Variants in PPARG observed in about 807,000 individuals in gnomAD.
PPARG encodes peroxisome proliferator-activated receptor gamma.
PPARG carries 17 observed loss-of-function variants against 39.2 expected under a neutral mutation model. The observed-to-expected ratio is 0.43, with a 90% CI of 0.30 to 0.65. PPARG has a LOEUF of 0.65. Among genes scored for constraint, PPARG ranks in the 30% least tolerant of loss-of-function variants. The pLI, the probability that PPARG is intolerant of heterozygous loss-of-function variation, is 0.13. For synonymous variants in PPARG, 223 were observed against 215.7 expected (o/e 1.03, Z -0.30); for missense variants, 406 against 585.9 (o/e 0.69, Z 3.17).
intron 2 of PPARG, among the ~76,000 whole-genome samples, chr3:12,366,192 G>A (rs2049009872): frequency 1.3e-5 from 2 of 152,208 alleles, no homozygotes; most frequent in South Asian, 2.1e-4. Flanking sequence ...TGAGGAAAAT[G>A]TAATGTCTGT....
intron 2 of PPARG, among the ~76,000 whole-genome samples, chr3:12,320,512 A>G (rs1345823202): frequency 6.6e-6 from 1 of 152,144 alleles, no homozygotes; most frequent in African/African-American, 2.4e-5. Flanking sequence ...TCTGTTTCAG[A>G]CCCCACAATA....
At chr3:12,382,004 C>G (rs2049686237) in intron 4 of PPARG, among the ~76,000 whole-genome samples, 1 of 152,000 alleles carries the variant, frequency 6.6e-6, no homozygotes, top group East Asian at 1.9e-4. Context: ...ATATGCATAT[C>G]TTTGGATCCC....
chr3:12,324,516 A>G (rs1268803651), intron 2 of PPARG, among the ~76,000 whole-genome samples: 1 of 152,118 alleles, frequency 6.6e-6, no homozygotes, highest in East Asian at 1.9e-4. Flanking sequence ...CAGTTAAGTG[A>G]CCCAAATCAA....
At chr3:12,384,275 A>G (rs563438076) in intron 4 of PPARG, among the ~76,000 whole-genome samples, 1 of 152,288 alleles carries the variant, frequency 6.6e-6, no homozygotes, top group African/African-American at 2.4e-5. Flanking sequence ...ATAAAATAGC[A>G]TTTATTGTAT....
At chr3:12,398,898 A>G (rs551760585) in intron 5 of PPARG, among the ~76,000 whole-genome samples, 2 of 152,362 alleles carry the variant, frequency 1.3e-5, no homozygotes, top group South Asian at 4.1e-4. Flanking sequence ...GAAAGTGACA[A>G]ACACAGACGG....
At chr3:12,363,217 G>A (rs1326470541) in intron 2 of PPARG, among the ~76,000 whole-genome samples, 4 of 152,150 alleles carry the variant, frequency 2.6e-5, no homozygotes, top group African/African-American at 7.2e-5. Context: ...ACTGTATCTA[G>A]CCTAGAATAT....
chr3:12,330,160 G>C (rs1344474504), intron 2 of PPARG, among the ~76,000 whole-genome samples: 2 of 152,134 alleles, frequency 1.3e-5, no homozygotes. Context: ...ATACCCAGGA[G>C]TGAAATGCTG....
intron 2 of PPARG, among the ~76,000 whole-genome samples, chr3:12,318,792 C>T (rs1050001625): frequency 6.6e-6 from 1 of 151,728 alleles, no homozygotes; most frequent in East Asian, 1.9e-4. Flanking sequence ...AGTAAGTGCT[C>T]AATAATTGGA....
chr3:12,370,428 T>C (rs1045748615), intron 2 of PPARG, among the ~76,000 whole-genome samples: 1 of 152,204 alleles, frequency 6.6e-6, no homozygotes, highest in Non-Finnish European at 1.5e-5. Context: ...AAATCCTTGA[T>C]CTTAGTCATT....
At chr3:12,429,552 CAAAAAA>C (rs753288907) in intron 7 of PPARG, among the ~76,000 whole-genome samples, 1,968 of 99,622 alleles carry the variant, frequency 0.02, 47 homozygotes, top group African/African-American at 0.072. Context: ...CTGTCTCTAC[CAAAAAA>C]AAAAAAAAAA....
chr3:12,287,930 G>GGAGCCC (rs970597958), upstream of PPARG: 2 of 146,454 alleles, frequency 1.4e-5, no homozygotes, highest in African/African-American at 4.9e-5. Context: ...CAGCGCACTC[G>GGAGCCC]GAGCCCGAGC....
chr3:12,291,162 T>A (rs2046638802), intron 1 of PPARG, among the ~76,000 whole-genome samples: 2 of 152,186 alleles, frequency 1.3e-5, no homozygotes, highest in Admixed American at 1.3e-4. Flanking sequence ...CTTGGTGAAG[T>A]CACTAGTGTG....
chr3:12,365,544 A>C (rs1193681177), intron 2 of PPARG, among the ~76,000 whole-genome samples: 1 of 151,898 alleles, frequency 6.6e-6, no homozygotes, highest in African/African-American at 2.4e-5. Context: ...ATTTTGAGTT[A>C]ATTTTTATGA....
intron 4 of PPARG, 40 bp from the exon 5 acceptor site, chr3:12,392,574 A>G (rs533966827): frequency 6.2e-7 from 1 of 1,611,868 alleles, no homozygotes; most frequent in East Asian, 2.2e-5. Context: ...TCCATGTGTC[A>G]TAAAGACTTA....
chr3:12,383,890 G>A (rs1214866475), intron 4 of PPARG, among the ~76,000 whole-genome samples: 1 of 152,020 alleles, frequency 6.6e-6, no homozygotes, highest in Non-Finnish European at 1.5e-5. Flanking sequence ...TTCAACTTAG[G>A]ATTAGAAAGG....
chr3:12,381,242 G>A (rs1033854948), intron 3 of PPARG, 80 bp from the exon 4 acceptor site: 123 of 1,320,032 alleles, frequency 9.3e-5, no homozygotes, highest in Middle Eastern at 4.3e-4. Flanking sequence ...GCATGAAGGT[G>A]TACTATGGTG....
chr3:12,335,620 A>T (rs1361671593), intron 2 of PPARG, among the ~76,000 whole-genome samples: 1 of 152,208 alleles, frequency 6.6e-6, no homozygotes, highest in South Asian at 2.1e-4. Context: ...GCCAGATGCA[A>T]CAATTCTTAA....
chr3:12,352,769 T>C (rs1179163759), intron 2 of PPARG, among the ~76,000 whole-genome samples: 1 of 152,374 alleles, frequency 6.6e-6, no homozygotes, highest in South Asian at 2.1e-4. Context: ...TTTCCTGAAG[T>C]ACTGTTTTAT....
intron 2 of PPARG, among the ~76,000 whole-genome samples, chr3:12,365,292 A>G (rs2048978312): frequency 6.6e-6 from 1 of 152,172 alleles, no homozygotes; most frequent in African/African-American, 2.4e-5. Context: ...GCTTTATCAG[A>G]TGTGTTTTGT....
Sources: gnomAD v4.1 joint callset for allele counts (sites outside exome capture counted in the v4.1 genomes callset) on GRCh38, gnomAD v4.1.1 for gene constraint, MANE v1.5 for transcripts, NCBI Gene and HGNC (gene_info 2026-07-23, HGNC 2026-07-21) for gene names.